AKAP6: variants seen among roughly 807,000 people sequenced by gnomAD.
AKAP6 encodes the protein A-kinase anchor protein 6.
A neutral mutation model predicts 188.5 loss-of-function variants in AKAP6; 58 were observed. The ratio of observed to expected loss-of-function variants is 0.31; its 90% CI spans 0.25 to 0.38. The LOEUF (loss-of-function observed/expected upper bound fraction) is 0.38. AKAP6 is among the 10% of genes least tolerant of loss of function. The pLI, the probability that AKAP6 is intolerant of heterozygous loss-of-function variation, is 1.00. For synonymous variants in AKAP6, 989 were observed against 998.6 expected (o/e 0.99, Z 0.18); for missense variants, 2,710 against 2,740.0 (o/e 0.99, Z 0.24).
At chr14:32,532,734 T>C (rs1882478840) in intron 2 of AKAP6, among the ~76,000 whole-genome samples, 1 of 152,076 alleles carries the variant, frequency 6.6e-6, no homozygotes, top group Admixed American at 6.5e-5. Flanking sequence ...AGCATCAAAG[T>C]GAGATGCCAG....
chr14:32,716,713 T>A (rs577256929), intron 9 of AKAP6, among the ~76,000 whole-genome samples: 2 of 131,686 alleles, frequency 1.5e-5, no homozygotes, highest in Non-Finnish European at 3.3e-5. Flanking sequence ...GTATTTACCT[T>A]TCTAATGACT....
intron 2 of AKAP6, among the ~76,000 whole-genome samples, chr14:32,517,362 T>G (rs972795789): frequency 2.6e-5 from 4 of 152,072 alleles, no homozygotes; most frequent in African/African-American, 9.7e-5. Flanking sequence ...CAGCTCCCAG[T>G]GTAAGTGACG....
At chr14:32,576,986 A>T in intron 4 of AKAP6, 134 bp from the exon 5 acceptor site, 1 of 980,268 alleles carries the variant, frequency 1.0e-6, no homozygotes, top group Non-Finnish European at 1.5e-6. Flanking sequence ...CAAAGATGAA[A>T]CTAGGATAGG....
intron 1 of AKAP6, among the ~76,000 whole-genome samples, chr14:32,345,209 A>G (rs1240016859): frequency 1.3e-5 from 2 of 152,224 alleles, no homozygotes; most frequent in African/African-American, 4.8e-5. Context: ...ATGTGCATTT[A>G]CTTCTCTAAT....
intron 7 of AKAP6, among the ~76,000 whole-genome samples, chr14:32,632,482 C>G (rs1363198588): frequency 1.3e-5 from 2 of 151,982 alleles, no homozygotes; most frequent in African/African-American, 4.8e-5. Flanking sequence ...GAAGAGAGAC[C>G]ATTTTCTAAT....
In AKAP6 at chr14:32,822,794, A is replaced by G. The variant is rs2034564984; in HGVS notation, c.4981A>G (p.Ser1661Gly). Residue 1661 changes from serine to glycine, a missense_variant, in exon 13 of 14, where the codon AGC (serine) becomes GGC (glycine). Ser to Gly is a moderately conservative substitution (Grantham distance 56, BLOSUM62 0). Coordinates refer to ENST00000280979, the MANE Select transcript of AKAP6 (RefSeq NM_004274.5). ...KRSVSDITLQSSSQKMSFTGQ... is the reference protein window; with the variant it reads ...KRSVSDITLQGSSQKMSFTGQ... ...AAGTGTTTCTGATATCACTCTTCAA[A>G]GCAGTTCCCAAAAGATGTCCTTTAC... 6.2e-7 allele frequency: 1 copy of G among 1,613,826 alleles called. No individual in the cohort carries two copies.
At chr14:32,496,719 A>T (rs1331437122) in intron 2 of AKAP6, among the ~76,000 whole-genome samples, 1 of 152,156 alleles carries the variant, frequency 6.6e-6, no homozygotes, top group African/African-American at 2.4e-5. Context: ...GAACCATATG[A>T]AATTGCCAAT....
At chr14:32,446,170 G>T (rs1175927015) in intron 2 of AKAP6, among the ~76,000 whole-genome samples, 7 of 152,188 alleles carry the variant, frequency 4.6e-5, no homozygotes, top group Admixed American at 4.6e-4. Context: ...GCAATATTTT[G>T]TATAGACAAA....
chr14:32,541,188 G>A (rs1002695374), intron 3 of AKAP6, among the ~76,000 whole-genome samples: 1 of 152,228 alleles, frequency 6.6e-6, no homozygotes. Flanking sequence ...GGTGGGACAG[G>A]ATGGGAGAGA....
chr14:32,651,147 T>C (rs1047652335), intron 7 of AKAP6, among the ~76,000 whole-genome samples: 1 of 152,176 alleles, frequency 6.6e-6, no homozygotes, highest in African/African-American at 2.4e-5. Flanking sequence ...TCTTTGCCTT[T>C]TAACATATAT....
In AKAP6 at chr14:32,821,885, CA is replaced by C; in HGVS notation, c.4073del (p.Gln1358ArgfsTer52). On this transcript the variant is annotated frameshift_variant, in exon 13 of 14. Transcript: ENST00000280979. LOFTEE classifies it high-confidence loss of function. ...PCACHGGDMS[Q>X]NSGSESGIVS... ...CGCATGTCATGGAGGAGACATGAGC[CA>C]GAATTCAGGCAGTGAGAGTGGAATT... 1 of 1,613,726 alleles carries C rather than the reference CA, an allele frequency of 6.2e-7. No homozygotes were observed. The highest frequency in any genetic ancestry group is 8.5e-7 in the Non-Finnish European group (1 of 1,179,896).
At position 32,339,912 on chromosome 14, in the gene AKAP6, A is replaced by G. The variant is rs1886837136; in HGVS notation, c.-35+10504A>G. Among the ~76,000 whole-genome samples, 3 of 152,046 alleles carry G rather than the reference A, an allele frequency of 2.0e-5. No homozygotes were observed. The South Asian group carries it at 6.2e-4, about 31-fold the overall frequency. ...GATATCTGCAGCTGAATTTTGTACCAAAGGCATATTCTAAATGTCATACTT... is the reference window on the plus strand; with the variant it reads ...GATATCTGCAGCTGAATTTTGTACCGAAGGCATATTCTAAATGTCATACTT... On this transcript the variant is annotated intron_variant, in intron 1 of 13. Coordinates refer to ENST00000280979, the MANE Select transcript of AKAP6 (RefSeq NM_004274.5).
At chr14:32,731,607 C>A (rs183327869) in intron 9 of AKAP6, among the ~76,000 whole-genome samples, 1 of 151,974 alleles carries the variant, frequency 6.6e-6, no homozygotes, top group Non-Finnish European at 1.5e-5. Flanking sequence ...AATATTTTAA[C>A]CAGAATCTAG....
intron 5 of AKAP6, among the ~76,000 whole-genome samples, chr14:32,580,821 C>T (rs1033029350): frequency 2.0e-5 from 3 of 151,848 alleles, no homozygotes; most frequent in South Asian, 2.1e-4. Context: ...TTTGTCCTTG[C>T]GATAGTTTAC....
intron 1 of AKAP6, among the ~76,000 whole-genome samples, chr14:32,408,160 C>T (rs931175839): frequency 2.0e-5 from 3 of 152,062 alleles, no homozygotes; most frequent in South Asian, 2.1e-4. Flanking sequence ...TGGCTAGCAG[C>T]GGGGAGTGGG....
intron 9 of AKAP6, among the ~76,000 whole-genome samples, chr14:32,720,553 A>G (rs2030477352): frequency 6.6e-6 from 1 of 152,214 alleles, no homozygotes; most frequent in Non-Finnish European, 1.5e-5. Flanking sequence ...AATTTACTAC[A>G]CTTAACTTGT....
At chr14:32,399,527 T>C (rs991180125) in intron 1 of AKAP6, among the ~76,000 whole-genome samples, 2 of 152,264 alleles carry the variant, frequency 1.3e-5, no homozygotes, top group East Asian at 1.9e-4. Context: ...GGAGTACACA[T>C]TGGATACCAC....
At chr14:32,378,300 G>C (rs557115622) in intron 1 of AKAP6, among the ~76,000 whole-genome samples, 1 of 152,242 alleles carries the variant, frequency 6.6e-6, no homozygotes, top group South Asian at 2.1e-4. Context: ...CATTGAAATG[G>C]AAAGTGTTGC....
intron 12 of AKAP6, among the ~76,000 whole-genome samples, chr14:32,808,814 T>G (rs1248085678): frequency 6.6e-6 from 1 of 152,174 alleles, no homozygotes; most frequent in East Asian, 1.9e-4. Context: ...CAGGTCTTCA[T>G]GTTTGGTGTG....
Sources: allele counts gnomAD v4.1 joint callset (sites outside exome capture counted in the v4.1 genomes callset), GRCh38; gene constraint gnomAD v4.1.1; transcripts MANE v1.5; gene names NCBI Gene and HGNC (gene_info 2026-07-23, HGNC 2026-07-21).